CDKL3: variants seen among roughly 807,000 people sequenced by gnomAD.
CDKL3 encodes cyclin dependent kinase like 3, also known as cyclin-dependent kinase-like 3.
A neutral mutation model predicts 69.3 loss-of-function variants in CDKL3; 65 were observed. The ratio of observed to expected loss-of-function variants is 0.94; its 90% CI spans 0.77 to 1.15. CDKL3 has a LOEUF of 1.15. CDKL3 is among the 50% of genes most tolerant of loss of function. CDKL3 has a pLI of 0.00. For synonymous variants in CDKL3, 202 were observed against 221.6 expected (o/e 0.91, Z 0.79); for missense variants, 652 against 689.2 (o/e 0.95, Z 0.61).
intron 6 of CDKL3, among the ~76,000 whole-genome samples, chr5:134,316,093 T>C (rs933455309): frequency 5.9e-5 from 9 of 152,084 alleles, no homozygotes; most frequent in Non-Finnish European, 1.0e-4. Flanking sequence ...CAGGGGACTA[T>C]AGGCGCATGC....
At chr5:134,312,616 AC>A (rs1168814417) in intron 6 of CDKL3, among the ~76,000 whole-genome samples, 1 of 152,250 alleles carries the variant, frequency 6.6e-6, no homozygotes, top group African/African-American at 2.4e-5. Context: ...TCTAGCCAAA[AC>A]AGAGGTCAGT....
chr5:134,296,813 A>ACGCACG (rs1554074947), downstream of CDKL3, among the ~76,000 whole-genome samples: 83 of 151,322 alleles, frequency 5.5e-4, no homozygotes, highest in African/African-American at 1.9e-3. Context: ...ACACACACAC[A>ACGCACG]CACGCACGCA....
rs1467105070 is a variant in CDKL3, at chr5:134,319,447, C to CA, written c.702dup (p.Ala235CysfsTer22). ...TGAACTTGAGGAAGAACTACCCCAG[C>CA]AAAAATGGGGCTCTTGGAAAAGATA... On this transcript the variant is annotated frameshift_variant, in exon 6 of 13. Transcript: ENST00000265334. LOFTEE classifies it high-confidence loss of function. 1.0e-5 allele frequency: 16 copies of CA among 1,534,672 alleles called. No homozygotes were observed. Among genetic ancestry groups the CA allele is most frequent in the Non-Finnish European group, 1.4e-5 (16 of 1,142,286 alleles).
chr5:134,319,627 A>C, intron 5 of CDKL3, 130 bp from the exon 6 acceptor site: 2 of 897,074 alleles, frequency 2.2e-6, no homozygotes, highest in Non-Finnish European at 3.2e-6. Context: ...TATGTATTTT[A>C]ATTTTTTGAA....
chr5:134,303,963 CATT>C, intron 11 of CDKL3, among the ~76,000 whole-genome samples: 1 of 150,084 alleles, frequency 6.7e-6, no homozygotes, highest in East Asian at 1.9e-4. Flanking sequence ...GACAGGGTCT[CATT>C]ATGTCATCCT....
intron 3 of CDKL3, among the ~76,000 whole-genome samples, chr5:134,359,448 C>A (rs1475209458): frequency 6.6e-6 from 1 of 152,266 alleles, no homozygotes; most frequent in East Asian, 1.9e-4. Context: ...AACCGCTCCG[C>A]CACTTTATAT....
At chr5:134,362,317 C>T (rs1756241520) in intron 2 of CDKL3, among the ~76,000 whole-genome samples, 1 of 152,096 alleles carries the variant, frequency 6.6e-6, no homozygotes, top group Non-Finnish European at 1.5e-5. Flanking sequence ...GTCGGGAGTT[C>T]GAGATCAGCC....
chr5:134,362,443 C>T (rs1289314751), intron 2 of CDKL3, among the ~76,000 whole-genome samples: 3 of 151,776 alleles, frequency 2.0e-5, no homozygotes, highest in Non-Finnish European at 2.9e-5. Flanking sequence ...CGCTTGAACC[C>T]GGGAGGCCGA....
At chr5:134,353,028 T>C (rs1753710945) in intron 3 of CDKL3, among the ~76,000 whole-genome samples, 1 of 152,182 alleles carries the variant, frequency 6.6e-6, no homozygotes, top group Non-Finnish European at 1.5e-5. Context: ...TTTCCCACGT[T>C]TTCTTCTAGT....
At chr5:134,285,653 T>C (rs1764830819), downstream of CDKL3, among the ~76,000 whole-genome samples, 1 of 152,252 alleles carries the variant, frequency 6.6e-6, no homozygotes, top group Non-Finnish European at 1.5e-5. Flanking sequence ...AGTCAGCTCC[T>C]CATTGCTTTT....
chr5:134,362,452 G>A (rs1031795870), intron 2 of CDKL3, among the ~76,000 whole-genome samples: 2 of 152,124 alleles, frequency 1.3e-5, no homozygotes, highest in African/African-American at 4.8e-5. Context: ...CCGGGAGGCC[G>A]AGGTTGTGGT....
At chr5:134,371,373 C>T (rs1455065213), upstream of CDKL3, 4 of 655,760 alleles carry the variant, frequency 6.1e-6, no homozygotes, top group African/African-American at 1.9e-5. Flanking sequence ...TCCCGCGTCC[C>T]GCCCCCTCCT....
chr5:134,348,263 G>A (rs1459015306), intron 4 of CDKL3, among the ~76,000 whole-genome samples: 3 of 152,122 alleles, frequency 2.0e-5, no homozygotes, highest in Non-Finnish European at 4.4e-5. Flanking sequence ...ATAAAAATCA[G>A]TATCGTGGTT....
In CDKL3 at chr5:134,348,793, A is replaced by T. The variant is rs1374366513; in HGVS notation, c.539+1456T>A. 2.0e-5 allele frequency among the ~76,000 whole-genome samples: 3 copies of T among 152,136 alleles called. No homozygotes were observed. In the South Asian group the frequency reaches 6.2e-4, roughly 31 times the overall value. ...TCCAGAGGCAAAAAAGAAATAAAGA[A>T]AAAATTTTTGAGGACTTTGAGTAAG... is the stretch of plus-strand genomic sequence containing the variant. On this transcript the variant is annotated intron_variant, in intron 4 of 12. Coordinates refer to ENST00000265334, the MANE Select transcript of CDKL3 (RefSeq NM_001113575.2).
chr5:134,345,046 CAGAG>C lies in CDKL3; in HGVS notation c.539+5199_539+5202del, dbSNP rs1183319241. ...CGCCACTGCACTCCAGCCTGGGCGA[CAGAG>C]AGAGACTCTGTCTCAAAAAAAATAA... On this transcript the variant is annotated intron_variant, in intron 4 of 12. Coordinates refer to ENST00000265334, the MANE Select transcript of CDKL3 (RefSeq NM_001113575.2). Among the ~76,000 whole-genome samples the C allele has an allele frequency of 5.9e-5, 9 of 152,004 alleles. No individual in the cohort carries two copies. The South Asian group carries it at 1.9e-3, about 32-fold the overall frequency.
rs115000738 is a variant in CDKL3, at chr5:134,348,896, C to T, written c.539+1353G>A. ...ATGAAGTGAGTCCTATTATTATTTCCATTTTATAGATGAAGTAATTGAGGT... is the reference window on the plus strand; with the variant it reads ...ATGAAGTGAGTCCTATTATTATTTCTATTTTATAGATGAAGTAATTGAGGT... On this transcript the variant is annotated intron_variant, in intron 4 of 12. Coordinates refer to ENST00000265334, the MANE Select transcript of CDKL3 (RefSeq NM_001113575.2). Among the ~76,000 whole-genome samples, 927 of 152,080 alleles carry T rather than the reference C, an allele frequency of 6.1e-3. 7 individuals are homozygous for T. The highest frequency in any genetic ancestry group is 0.021 in the African/African-American group (864 of 41,462).
intron 4 of CDKL3, among the ~76,000 whole-genome samples, chr5:134,345,203 T>C (rs1287116102): frequency 6.6e-6 from 1 of 152,220 alleles, no homozygotes; most frequent in African/African-American, 2.4e-5. Context: ...GAAAACTGAC[T>C]GGTGATGGTA....
intron 8 of CDKL3, among the ~76,000 whole-genome samples, chr5:134,290,016 A>T (rs1310380667): frequency 6.6e-6 from 1 of 152,108 alleles, no homozygotes; most frequent in Non-Finnish European, 1.5e-5. Context: ...AATATATGTT[A>T]TGCATTGTTC....
chr5:134,343,706 C>T (rs1751107775), intron 4 of CDKL3, among the ~76,000 whole-genome samples: 1 of 152,090 alleles, frequency 6.6e-6, no homozygotes. Flanking sequence ...TCATGGCCGC[C>T]CCAGACCCAG....
Sources: allele counts gnomAD v4.1 joint callset (sites outside exome capture counted in the v4.1 genomes callset), GRCh38; gene constraint gnomAD v4.1.1; transcripts MANE v1.5; gene names NCBI Gene and HGNC (gene_info 2026-07-23, HGNC 2026-07-21).